DOCK1: variants seen among roughly 807,000 people sequenced by gnomAD.
The protein encoded by DOCK1 is dedicator of cytokinesis 1.
A neutral mutation model predicts 262.7 loss-of-function variants in DOCK1; 138 were observed. That is an observed-to-expected ratio of 0.53 (90% CI 0.46 to 0.61). The LOEUF is 0.61. DOCK1 is among the 20% of genes least tolerant of loss of function. DOCK1 has a pLI of 0.00. For synonymous variants in DOCK1, 866 were observed against 867.4 expected, an observed-to-expected ratio of 1.00 and a Z score of 0.03; for missense variants, 1,908 against 2,370.7, an observed-to-expected ratio of 0.80 and a Z score of 4.05.
chr10:127,296,051 T>C (rs1161420065), intron 29 of DOCK1, among the ~76,000 whole-genome samples: 1 of 152,222 alleles, frequency 6.6e-6, no homozygotes, highest in African/African-American at 2.4e-5. Flanking sequence ...TTAACCTCTC[T>C]GGGATTTCCT....
intron 43 of DOCK1, among the ~76,000 whole-genome samples, chr10:127,413,041 G>A (rs899573372): frequency 1.3e-5 from 2 of 152,206 alleles, no homozygotes; most frequent in Non-Finnish European, 2.9e-5. Flanking sequence ...GTGGCTTTCA[G>A]AGCAGACTGC....
intron 29 of DOCK1, among the ~76,000 whole-genome samples, chr10:127,263,180 A>T (rs1436645612): frequency 1.3e-5 from 2 of 152,112 alleles, no homozygotes; most frequent in Non-Finnish European, 2.9e-5. Flanking sequence ...TACTTTCTTC[A>T]CCTTTAGAAG....
chr10:127,221,260 T>C (rs1014889813), intron 27 of DOCK1, among the ~76,000 whole-genome samples: 6 of 152,194 alleles, frequency 3.9e-5, no homozygotes, highest in Non-Finnish European at 8.8e-5. Flanking sequence ...GTTTTTCCTA[T>C]GTCTTCAAGT....
At chr10:127,341,930 G>C (rs985544361) in intron 30 of DOCK1, among the ~76,000 whole-genome samples, 3 of 152,186 alleles carry the variant, frequency 2.0e-5, no homozygotes, top group African/African-American at 7.2e-5. Flanking sequence ...ACCCAGCACA[G>C]ATCTTAATTT....
intron 10 of DOCK1, chr10:127,000,511 A>C (rs2040506765): frequency 1.4e-6 from 1 of 690,486 alleles, no homozygotes; most frequent in Non-Finnish European, 2.2e-6. Context: ...CTCAAGTTTC[A>C]GATATAAATC....
chr10:127,126,504 G>A (rs2049971211), intron 26 of DOCK1, among the ~76,000 whole-genome samples: 1 of 152,158 alleles, frequency 6.6e-6, no homozygotes, highest in Non-Finnish European at 1.5e-5. Flanking sequence ...GCCAAGGCAG[G>A]AGGATCGCTT....
intron 1 of DOCK1, among the ~76,000 whole-genome samples, chr10:126,917,972 T>G (rs2032702905): frequency 6.6e-6 from 1 of 152,154 alleles, no homozygotes; most frequent in African/African-American, 2.4e-5. Flanking sequence ...TAGCCAGGCA[T>G]AGTTAGGAGC....
Position 127,032,167 on chromosome 10 carries a change from A to C in DOCK1, c.1759A>C (p.Thr587Pro). 6.3e-7 allele frequency: 1 copy of C among 1,597,314 alleles called. No homozygotes were observed. Among genetic ancestry groups the C allele is most frequent in the East Asian group, 2.3e-5 (1 of 44,144 alleles). Residue 587 changes from threonine (T) to proline (P), a missense_variant, in exon 18 of 52, where the codon ACG (threonine) becomes CCG (proline). Transcript: ENST00000623213. ...AEAKKLEDAA[T>P]YLSLPSTKAE... is the part of the protein sequence containing the mutation. ...AGCAAAGAAGCTGGAAGATGCTGCC[A>C]CGTACTTGAGTCTGCCCTCCACGAA... is the stretch of plus-strand genomic sequence containing the variant.
rs1298038861 is a variant in DOCK1 at position 127,447,383 on chromosome 10, C to T, written c.5414-11C>T. 7.5e-6 allele frequency: 12 copies of T among 1,609,314 alleles called. No individual in the cohort carries two copies. The African/African-American group carries it at 9.3e-5, about 13-fold the overall frequency. ...AGTCGGGCTGATTTTAAATAGATCC[C>T]GGTTTTCCAGGCTTGGAGCTGAACG... is the stretch of plus-strand genomic sequence containing the variant. On this transcript the variant is annotated splice_polypyrimidine_tract_variant and intron_variant, in intron 50 of 51. Coordinates refer to ENST00000623213, the MANE Select transcript of DOCK1 (RefSeq NM_001290223.2).
At chr10:127,143,429 G>A (rs1352918443) in intron 27 of DOCK1, among the ~76,000 whole-genome samples, 3 of 152,184 alleles carry the variant, frequency 2.0e-5, no homozygotes, top group Non-Finnish European at 4.4e-5. Context: ...TACCACTGTG[G>A]ATAAATCACC....
At chr10:127,261,890 CTGTG>C (rs36164686) in intron 29 of DOCK1, among the ~76,000 whole-genome samples, 4 of 115,272 alleles carry the variant, frequency 3.5e-5, no homozygotes, top group East Asian at 6.0e-4. Context: ...CCGTGCTCAT[CTGTG>C]TGTGTGCATG....
At chr10:127,413,902 G>A (rs571798395) in intron 43 of DOCK1, among the ~76,000 whole-genome samples, 1 of 150,422 alleles carries the variant, frequency 6.6e-6, no homozygotes, top group African/African-American at 2.5e-5. Context: ...CAAGATCCAA[G>A]TCAGTTTTCT....
chr10:127,257,457 T>C, intron 29 of DOCK1, 28 bp downstream of exon 29: 1 of 1,561,302 alleles, frequency 6.4e-7, no homozygotes, highest in South Asian at 1.2e-5. Flanking sequence ...GGCTCTCACC[T>C]TTTCTATGGC....
At chr10:126,927,000 A>C (rs1242293317) in intron 1 of DOCK1, among the ~76,000 whole-genome samples, 1 of 152,208 alleles carries the variant, frequency 6.6e-6, no homozygotes, top group South Asian at 2.1e-4. Context: ...CAGGGGAAAA[A>C]GTATTTCTGT....
At chr10:127,033,581 G>T (rs1203910130) in intron 18 of DOCK1, among the ~76,000 whole-genome samples, 3 of 152,116 alleles carry the variant, frequency 2.0e-5, no homozygotes, top group African/African-American at 2.4e-5. Context: ...CCTCTTAACT[G>T]CCCGATACAG....
At chr10:127,077,759 C>T (rs558613420) in intron 23 of DOCK1, among the ~76,000 whole-genome samples, 17 of 152,094 alleles carry the variant, frequency 1.1e-4, no homozygotes, top group Non-Finnish European at 2.2e-4. Context: ...GGTGTCCAGA[C>T]GAGAGATTGC....
chr10:127,271,728 C>G (rs2060575945), intron 29 of DOCK1, among the ~76,000 whole-genome samples: 1 of 152,192 alleles, frequency 6.6e-6, no homozygotes, highest in Non-Finnish European at 1.5e-5. Flanking sequence ...GACTGTGTAA[C>G]TGCTGGGCTG....
At chr10:127,022,436 C>T (rs1007397092) in intron 13 of DOCK1, among the ~76,000 whole-genome samples, 3 of 152,042 alleles carry the variant, frequency 2.0e-5, no homozygotes, top group African/African-American at 7.2e-5. Flanking sequence ...CCCATTAGCT[C>T]GCTTTTGAGA....
At chr10:126,984,513 A>G (rs1349537308) in intron 4 of DOCK1, among the ~76,000 whole-genome samples, 1 of 149,444 alleles carries the variant, frequency 6.7e-6, no homozygotes, top group Non-Finnish European at 1.5e-5. Flanking sequence ...TGCCCAGCTA[A>G]TTTTTGTGTG....
Sources: gnomAD v4.1 joint callset for allele counts (sites outside exome capture counted in the v4.1 genomes callset) on GRCh38, gnomAD v4.1.1 for gene constraint, MANE v1.5 for transcripts, NCBI Gene and HGNC (gene_info 2026-07-23, HGNC 2026-07-21) for gene names.